Variants in C4orf36 observed in about 807,000 individuals in gnomAD.
C4orf36 encodes the protein chromosome 4 open reading frame 36.
A neutral mutation model predicts 12.2 loss-of-function variants in C4orf36; 11 were observed. The ratio of observed to expected loss-of-function variants is 0.90; its 90% CI spans 0.57 to 1.49. The LOEUF (loss-of-function observed/expected upper bound fraction) is 1.49. C4orf36 is among the 40% of genes most tolerant of loss of function. C4orf36 has a pLI of 0.00. For missense variants in C4orf36, 137 were observed against 133.9 expected (o/e 1.02, Z -0.11); for synonymous variants, 54 against 51.3 (o/e 1.05, Z -0.22).
chr4:86,901,320 C>T, the C4orf36 span, among the ~76,000 whole-genome samples: 1 of 151,974 alleles, frequency 6.6e-6, no homozygotes, highest in East Asian at 1.9e-4. Flanking sequence ...AACCGAAGTC[C>T]TCACAGTGAC....
the C4orf36 span, among the ~76,000 whole-genome samples, chr4:86,904,280 C>T: frequency 0.31 from 46,440 of 152,206 alleles, 7,612 homozygotes; most frequent in Middle Eastern, 0.36. Context: ...TGGCTCCGCC[C>T]GCGCGTTTCT....
At chr4:86,916,099 C>T in the C4orf36 span, among the ~76,000 whole-genome samples, 2 of 152,314 alleles carry the variant, frequency 1.3e-5, no homozygotes, top group Non-Finnish European at 2.9e-5. Flanking sequence ...GAAAGTAATA[C>T]ATCTACTTTG....
upstream of C4orf36, among the ~76,000 whole-genome samples, chr4:86,892,905 A>G (rs1022958721): frequency 6.6e-6 from 1 of 152,190 alleles, no homozygotes; most frequent in African/African-American, 2.4e-5. Context: ...CTTACGGTCA[A>G]ATGAAACGAG....
Position 86,876,348 on chromosome 4 carries a change from G to C in C4orf36, c.*98C>G, listed in dbSNP as rs1746926106. 2 of 1,554,730 alleles carry C rather than the reference G, an allele frequency of 1.3e-6. No homozygotes were observed. The highest frequency in any genetic ancestry group is 1.7e-6 in the Non-Finnish European group (2 of 1,152,740). On this transcript the variant is annotated 3_prime_UTR_variant, in exon 5 of 5. Coordinates refer to ENST00000295898, the MANE Select transcript of C4orf36 (RefSeq NM_144645.4). Reference sequence around the variant, plus strand: ...GCCGGGCCAGGATGGCTGCAGCGCAGCGACGGCCGGGGCCGGGAGCGGGTC... The same window carrying C: ...GCCGGGCCAGGATGGCTGCAGCGCACCGACGGCCGGGGCCGGGAGCGGGTC...
chr4:86,891,314 TCAG>T, intron 2 of C4orf36, 139 bp downstream of exon 2: 1 of 263,640 alleles, frequency 3.8e-6, no homozygotes, highest in Non-Finnish European at 6.5e-6. Flanking sequence ...AAAAAAAAAA[TCAG>T]ATCCCAGACA....
chr4:86,914,391 CTTTTTTTTTTTTT>C, the C4orf36 span: 84 of 327,820 alleles, frequency 2.6e-4, 1 homozygote, highest in African/African-American at 9.1e-4. Context: ...CTTCTTCTTC[CTTTTTTTTTTTTT>C]TTTTTTTTTT....
intron 4 of C4orf36, among the ~76,000 whole-genome samples, chr4:86,879,452 G>A (rs1032082664): frequency 6.6e-5 from 10 of 152,172 alleles, no homozygotes; most frequent in Non-Finnish European, 4.4e-5. Flanking sequence ...AAAAGAGTCA[G>A]TGAATTTGAA....
At chr4:86,914,908 G>A in the C4orf36 span, 1 of 309,708 alleles carries the variant, frequency 3.2e-6, no homozygotes. Flanking sequence ...GGCAGTCAAT[G>A]CAAACAGGCC....
At chr4:86,894,062 G>A (rs13114907), upstream of C4orf36, among the ~76,000 whole-genome samples, 9,429 of 151,680 alleles carry the variant, frequency 0.062, 436 homozygotes, top group Non-Finnish European at 0.087. Context: ...ACGCCCAGCT[G>A]ATTTTTTTGT....
At chr4:86,895,623 A>G (rs1200812569), upstream of C4orf36, among the ~76,000 whole-genome samples, 1 of 152,204 alleles carries the variant, frequency 6.6e-6, no homozygotes, top group African/African-American at 2.4e-5. Flanking sequence ...AAATAATACA[A>G]TTTTCTAGAA....
At chr4:86,905,710 C>CT in the C4orf36 span, among the ~76,000 whole-genome samples, 12,005 of 138,598 alleles carry the variant, frequency 0.087, 1,598 homozygotes, top group African/African-American at 0.29. Context: ...TTCTGAGGTC[C>CT]TTTTTTTTTT....
At chr4:86,887,553 C>G in intron 4 of C4orf36, 2 of 480,458 alleles carry the variant, frequency 4.2e-6, no homozygotes. Context: ...ACTTACAGTG[C>G]TGTCGTTTGT....
At chr4:86,904,177 C>T in the C4orf36 span, among the ~76,000 whole-genome samples, 1 of 152,228 alleles carries the variant, frequency 6.6e-6, no homozygotes, top group South Asian at 2.1e-4. Context: ...GAGATCAAGC[C>T]CAGCAGGAAC....
chr4:86,915,134 G>A, the C4orf36 span, among the ~76,000 whole-genome samples: 7 of 152,086 alleles, frequency 4.6e-5, no homozygotes, highest in Admixed American at 3.9e-4. Context: ...CTAGGCCACC[G>A]TAGGCTCGTG....
At chr4:86,892,112 G>C in intron 1 of C4orf36, 71 bp downstream of exon 1, 2 of 985,468 alleles carry the variant, frequency 2.0e-6, no homozygotes, top group South Asian at 4.7e-5. Flanking sequence ...TTCCCGGGAC[G>C]GGTGGGGGCC....
At chr4:86,906,335 G>T in the C4orf36 span, among the ~76,000 whole-genome samples, 1 of 152,102 alleles carries the variant, frequency 6.6e-6, no homozygotes, top group Non-Finnish European at 1.5e-5. Flanking sequence ...AAGCTCTCTG[G>T]AATCCATAAG....
intron 4 of C4orf36, among the ~76,000 whole-genome samples, chr4:86,885,179 G>A (rs1222037130): frequency 2.0e-5 from 3 of 152,042 alleles, no homozygotes; most frequent in Non-Finnish European, 4.4e-5. Context: ...TTGGCAATGC[G>A]GGCTCTTTTT....
the C4orf36 span, among the ~76,000 whole-genome samples, chr4:86,898,654 G>A: frequency 6.6e-6 from 1 of 151,834 alleles, no homozygotes; most frequent in African/African-American, 2.4e-5. Flanking sequence ...ACATTTTATT[G>A]GCTTTTAAAA....
the C4orf36 span, among the ~76,000 whole-genome samples, chr4:86,905,390 A>G: frequency 1.3e-5 from 2 of 151,992 alleles, no homozygotes; most frequent in South Asian, 4.1e-4. Flanking sequence ...AAATAAATAA[A>G]TAAATAAATA....
Sources: gnomAD v4.1 joint callset for allele counts (sites outside exome capture counted in the v4.1 genomes callset) on GRCh38, gnomAD v4.1.1 for gene constraint, MANE v1.5 for transcripts, NCBI Gene and HGNC (gene_info 2026-07-23, HGNC 2026-07-21) for gene names.